Variants in UST observed in about 807,000 individuals in gnomAD.
UST encodes chondroitin sulfate 2-O-sulfotransferase.
Under a neutral mutation model 45.6 loss-of-function variants are expected in UST, and 21 were observed. That is an observed-to-expected ratio of 0.46 (90% CI 0.33 to 0.66). The LOEUF is 0.66. UST is among the 30% of genes least tolerant of loss of function. UST has a pLI of 0.02. For synonymous variants in UST, 215 were observed against 200.6 expected (o/e 1.07, Z -0.61); for missense variants, 463 against 512.4 (o/e 0.90, Z 0.93).
intron 7 of UST, among the ~76,000 whole-genome samples, chr6:149,037,139 A>G (rs1039159324): frequency 1.6e-4 from 24 of 152,156 alleles, no homozygotes; most frequent in African/African-American, 4.8e-4. Flanking sequence ...CAGTCTGCTC[A>G]TAGACAGAAG....
chr6:148,795,410 A>G (rs536608172), intron 1 of UST, among the ~76,000 whole-genome samples: 12 of 152,172 alleles, frequency 7.9e-5, no homozygotes, highest in Non-Finnish European at 1.3e-4. Context: ...CCTGCATCTC[A>G]TGGCAGATGT....
At chr6:148,989,214 C>CCG (rs1781301009) in intron 5 of UST, among the ~76,000 whole-genome samples, 1 of 86,290 alleles carries the variant, frequency 1.2e-5, no homozygotes, top group South Asian at 8.5e-4. Flanking sequence ...TAAAGGCCCC[C>CCG]CCCCACCCCC....
intron 2 of UST, among the ~76,000 whole-genome samples, chr6:148,917,175 AC>A (rs561149079): frequency 2.0e-5 from 3 of 151,570 alleles, no homozygotes; most frequent in African/African-American, 4.8e-5. Context: ...GGGCAGCAGC[AC>A]CCCCCCACCC....
rs137907971 is a variant in UST at position 148,988,480 on chromosome 6, A to G, written c.681+23917A>G. 8.2e-3 allele frequency among the ~76,000 whole-genome samples: 1,236 copies of G among 151,474 alleles called. 18 individuals are homozygous for G. Among genetic ancestry groups the G allele is most frequent in the African/African-American group, 0.028 (1,155 of 41,210 alleles). ...TCCCAGCTACTCAGGAGGCTGAGGC[A>G]CAAGAATTGCTTGAACTTGGGAGGT... On this transcript the variant is annotated intron_variant, in intron 5 of 7. Coordinates refer to ENST00000367463, the MANE Select transcript of UST (RefSeq NM_005715.3).
At chr6:148,820,725 C>T (rs1170123028) in intron 1 of UST, among the ~76,000 whole-genome samples, 9 of 151,034 alleles carry the variant, frequency 6.0e-5, no homozygotes, top group South Asian at 2.1e-4. Context: ...TGGTGGTGGC[C>T]GCCTGTAATC....
intron 1 of UST, among the ~76,000 whole-genome samples, chr6:148,826,928 T>C (rs1436543235): frequency 6.6e-6 from 1 of 152,210 alleles, no homozygotes; most frequent in Non-Finnish European, 1.5e-5. Context: ...GACTTTCTGT[T>C]CTGCCTCTCT....
chr6:148,943,792 C>T (rs1780178796), intron 3 of UST, among the ~76,000 whole-genome samples: 1 of 152,116 alleles, frequency 6.6e-6, no homozygotes, highest in Non-Finnish European at 1.5e-5. Context: ...TTCATTATTC[C>T]AGATTTCTAT....
chr6:148,968,707 C>T (rs1322144903), intron 5 of UST, among the ~76,000 whole-genome samples: 3 of 152,242 alleles, frequency 2.0e-5, no homozygotes, highest in African/African-American at 7.2e-5. Context: ...AAGCCACTCC[C>T]TTTTCCAGTC....
chr6:149,023,110 GTGT>G (rs1562332137), intron 7 of UST, among the ~76,000 whole-genome samples: 12 of 58,790 alleles, frequency 2.0e-4, no homozygotes. Flanking sequence ...TGGTGTGTGT[GTGT>G]GTGTGTGTGT....
chr6:148,907,900 G>GA (rs1294556712), intron 2 of UST, among the ~76,000 whole-genome samples: 2 of 131,410 alleles, frequency 1.5e-5, no homozygotes, highest in African/African-American at 5.7e-5. Context: ...GTGTTTCCAG[G>GA]GCTTTTTTTT....
At chr6:149,047,983 A>C (rs1326281949) in intron 7 of UST, among the ~76,000 whole-genome samples, 1 of 152,236 alleles carries the variant, frequency 6.6e-6, no homozygotes, top group Non-Finnish European at 1.5e-5. Flanking sequence ...ACAGTTGCTA[A>C]TGCAAAAGGT....
At chr6:148,889,099 G>A (rs1347267062) in intron 2 of UST, among the ~76,000 whole-genome samples, 2 of 152,218 alleles carry the variant, frequency 1.3e-5, no homozygotes, top group Admixed American at 6.5e-5. Context: ...GTACCTGGAG[G>A]CTTATTAAAA....
intron 1 of UST, among the ~76,000 whole-genome samples, chr6:148,878,262 GAGATCGTGTATGAGTAC>G (rs1582872603): frequency 1.8e-5 from 2 of 112,080 alleles, no homozygotes; most frequent in South Asian, 3.4e-4. Flanking sequence ...TATGAGTGCG[GAGATCGTGTATGAGTAC>G]GGGGGATCAT....
chr6:148,968,918 G>A (rs1433384111), intron 5 of UST, among the ~76,000 whole-genome samples: 2 of 152,140 alleles, frequency 1.3e-5, no homozygotes, highest in Non-Finnish European at 2.9e-5. Flanking sequence ...CTGTTTATTC[G>A]GCTTGGCTGT....
intron 2 of UST, among the ~76,000 whole-genome samples, chr6:148,904,752 G>A (rs2114869087): frequency 6.6e-6 from 1 of 152,268 alleles, no homozygotes; most frequent in East Asian, 1.9e-4. Context: ...TCGAACCCCT[G>A]ACCTCAAGTG....
chr6:148,983,440 G>C (rs773769419), intron 5 of UST, among the ~76,000 whole-genome samples: 1 of 152,166 alleles, frequency 6.6e-6, no homozygotes, highest in Non-Finnish European at 1.5e-5. Flanking sequence ...GGGATCCCAT[G>C]GAGTTGATAA....
chr6:148,809,622 G>A (rs1777217381), intron 1 of UST, among the ~76,000 whole-genome samples: 2 of 152,224 alleles, frequency 1.3e-5, no homozygotes, highest in Non-Finnish European at 2.9e-5. Context: ...GGAGCTAGGT[G>A]TGCTGATTGC....
At chr6:148,921,723 G>T (rs1393696079) in intron 2 of UST, among the ~76,000 whole-genome samples, 1 of 152,138 alleles carries the variant, frequency 6.6e-6, no homozygotes, top group Non-Finnish European at 1.5e-5. Flanking sequence ...CATCCTTGTG[G>T]GTTATGGAAG....
intron 5 of UST, among the ~76,000 whole-genome samples, chr6:148,993,442 C>G (rs1281327459): frequency 6.6e-6 from 1 of 152,022 alleles, no homozygotes; most frequent in South Asian, 2.1e-4. Context: ...AAACTAGCAT[C>G]CTTAGACTTA....
Sources: allele counts gnomAD v4.1 joint callset (sites outside exome capture counted in the v4.1 genomes callset), GRCh38; gene constraint gnomAD v4.1.1; transcripts MANE v1.5; gene names NCBI Gene and HGNC (gene_info 2026-07-23, HGNC 2026-07-21).